The following TPX2 variants were observed in gnomAD, a reference collection of about 807,000 sequenced individuals.
TPX2 encodes the protein TPX2 microtubule nucleation factor, also known as targeting protein for Xklp2.
In TPX2, 21 loss-of-function variants were observed where a neutral mutation model predicts 93.6. That is an observed-to-expected ratio of 0.22 (90% CI 0.16 to 0.32). The LOEUF (loss-of-function observed/expected upper bound fraction) is 0.32, where lower values mean the gene tolerates loss of function less well. Ranked by LOEUF, TPX2 falls within the 10% of genes least tolerant of loss-of-function variation. The probability of loss-of-function intolerance (pLI) is 1.00; values close to 1 mark genes in which losing one functional copy is unlikely to be tolerated. For missense variants in TPX2, 776 were observed against 871.1 expected (o/e 0.89, Z 1.37); for synonymous variants, 281 against 298.3 (o/e 0.94, Z 0.60).
chr20:31,764,046 TAC>T (rs945862329), intron 4 of TPX2, among the ~76,000 whole-genome samples: 14 of 151,682 alleles, frequency 9.2e-5, no homozygotes, highest in African/African-American at 1.5e-4. Context: ...TACATATATA[TAC>T]ACACACACAT....
At position 31,775,840 on chromosome 20, in the gene TPX2, CTT is replaced by C; in HGVS notation, c.609-26_609-25del. The stretch of plus-strand genomic sequence containing the variant: ...ACTGGGTGCCTTTCTCCTCTCCTCT[CTT>C]CTCATTTACTGATTTTCTCTTTAGG... On this transcript the variant is annotated intron_variant, in intron 7 of 17. Transcript: ENST00000300403. The C allele has an allele frequency of 2.0e-6, 3 of 1,516,416 alleles. No homozygotes were observed. In the African/African-American group the frequency reaches 4.2e-5, roughly 21 times the overall value. 93.9% of individuals were successfully genotyped at this position (1,516,416 alleles called of 1,614,324 possible). A position where few individuals can be genotyped will look rare whatever the true frequency, so the allele number is the denominator to read the frequency against.
intron 2 of TPX2, among the ~76,000 whole-genome samples, chr20:31,749,607 C>G (rs2061806045): frequency 6.6e-6 from 1 of 151,720 alleles, no homozygotes. Flanking sequence ...ACCAGCCTGG[C>G]CAACATGGTG....
In TPX2 at chr20:31,797,467, A is replaced by G; in HGVS notation, c.1897A>G (p.Ile633Val). The G allele has an allele frequency of 6.2e-7, 1 of 1,614,172 alleles. No individual in the cohort carries two copies. Among genetic ancestry groups the G allele is most frequent in the Non-Finnish European group, 8.5e-7 (1 of 1,179,994 alleles). ...ACFKARPNTV[I>V]SQEPFVPKKE... ...TTTCAAGGCTCGTCCAAACACCGTC[A>G]TCTCTCAGGAGCCCTTTGTTCCCAA... Residue 633 changes from isoleucine to valine, a missense_variant, in exon 16 of 18, where the codon ATC becomes GTC. By Grantham distance (29) the Ile-to-Val change is conservative. Around this residue, in one of 3 missense-constraint regions of TPX2, gnomAD observed 461 missense variants for 551.2 expected, o/e 0.84. Transcript: ENST00000300403.
chr20:31,751,932 A>G (rs1333801831), intron 2 of TPX2, among the ~76,000 whole-genome samples: 1 of 152,090 alleles, frequency 6.6e-6, no homozygotes. Context: ...TATTAGAGAC[A>G]GGGTTTCACC....
At chr20:31,795,124 T>C (rs1239090644) in intron 15 of TPX2, among the ~76,000 whole-genome samples, 1 of 151,698 alleles carries the variant, frequency 6.6e-6, no homozygotes, top group Admixed American at 6.6e-5. Flanking sequence ...CCCAGCTACA[T>C]GTTTTCAACT....
chr20:31,749,226 G>A lies in TPX2; in HGVS notation c.-71+6579G>A, dbSNP rs374987320. On this transcript the variant is annotated intron_variant, in intron 2 of 17. Transcript: ENST00000300403. The stretch of plus-strand genomic sequence containing the variant: ...CTCCCAAAGTGCTGGGATTACAGGC[G>A]TGAGCCACCGCGCCCAGCTTAAATG... Among the ~76,000 whole-genome samples, 72 of 152,208 alleles carry A rather than the reference G, an allele frequency of 4.7e-4. No individual in the cohort carries two copies. The East Asian group carries it at 0.012, about 25-fold the overall frequency.
intron 9 of TPX2, among the ~76,000 whole-genome samples, chr20:31,778,604 T>G (rs2062016178): frequency 6.6e-6 from 1 of 152,246 alleles, no homozygotes; most frequent in African/African-American, 2.4e-5. Context: ...TAAGATTTGT[T>G]AAGTGCTAGA....
At chr20:31,755,962 A>G (rs1241477822) in intron 2 of TPX2, among the ~76,000 whole-genome samples, 2 of 152,212 alleles carry the variant, frequency 1.3e-5, no homozygotes, top group Non-Finnish European at 2.9e-5. Context: ...GGAGGGGCCT[A>G]TTTAACTTGT....
intron 4 of TPX2, among the ~76,000 whole-genome samples, chr20:31,765,188 T>C (rs1468796351): frequency 6.6e-6 from 1 of 151,932 alleles, no homozygotes; most frequent in African/African-American, 2.4e-5. Flanking sequence ...GCTGGGCTTG[T>C]AGTTCATGCC....
chr20:31,775,273 T>G (rs2061988835), intron 7 of TPX2, among the ~76,000 whole-genome samples: 1 of 152,174 alleles, frequency 6.6e-6, no homozygotes, highest in Admixed American at 6.5e-5. Flanking sequence ...TCATCGTTTA[T>G]GATCATATTT....
At chr20:31,798,676 A>G (rs2062152807) in intron 17 of TPX2, 124 bp downstream of exon 17, 2 of 1,197,780 alleles carry the variant, frequency 1.7e-6, no homozygotes, top group South Asian at 3.3e-5. Flanking sequence ...AATGAGTGAA[A>G]GGGGGAATTG....
chr20:31,754,207 G>T (rs888938526), intron 2 of TPX2, among the ~76,000 whole-genome samples: 3 of 151,846 alleles, frequency 2.0e-5, no homozygotes, highest in African/African-American at 7.3e-5. Flanking sequence ...GATTCTCACC[G>T]AGTAGCTGGA....
intron 14 of TPX2, 113 bp downstream of exon 14, chr20:31,794,137 A>G: frequency 8.3e-7 from 1 of 1,210,204 alleles, no homozygotes; most frequent in East Asian, 2.5e-5. Flanking sequence ...GATCTTTCTA[A>G]GAACCCTATA....
chr20:31,772,555 T>C (rs901077490), intron 7 of TPX2, among the ~76,000 whole-genome samples: 9 of 152,174 alleles, frequency 5.9e-5, no homozygotes, highest in African/African-American at 1.7e-4. Flanking sequence ...TCTTACCACG[T>C]AGATTGAACA....
intron 2 of TPX2, among the ~76,000 whole-genome samples, chr20:31,748,501 T>C (rs1283514104): frequency 6.6e-6 from 1 of 152,188 alleles, no homozygotes; most frequent in African/African-American, 2.4e-5. Context: ...TATAACAGGA[T>C]TTGTAATTTG....
At chr20:31,758,617 A>T (rs2061866887) in intron 3 of TPX2, among the ~76,000 whole-genome samples, 1 of 152,184 alleles carries the variant, frequency 6.6e-6, no homozygotes, top group Non-Finnish European at 1.5e-5. Flanking sequence ...CACTATGAAT[A>T]TGTGGTGGGG....
chr20:31,798,703 T>C, intron 17 of TPX2, 151 bp downstream of exon 17: 1 of 974,088 alleles, frequency 1.0e-6, no homozygotes, highest in Admixed American at 3.0e-5. Flanking sequence ...CTGAGGGTGG[T>C]GATGAAGTTG....
chr20:31,798,645 C>T, intron 17 of TPX2, 93 bp downstream of exon 17: 1 of 1,396,458 alleles, frequency 7.2e-7, no homozygotes, highest in Non-Finnish European at 9.5e-7. Flanking sequence ...CTAAGGTAGC[C>T]CGCAAGGCTG....
intron 5 of TPX2, among the ~76,000 whole-genome samples, chr20:31,769,043 C>T (rs982745549): frequency 6.6e-6 from 1 of 152,132 alleles, no homozygotes; most frequent in African/African-American, 2.4e-5. Context: ...TTGAATCTCA[C>T]ATACATAAAG....
Sources: gnomAD v4.1 joint callset for allele counts (sites outside exome capture counted in the v4.1 genomes callset) on GRCh38, gnomAD v4.1.1 for gene constraint, gnomAD v4.1.1 regional missense constraint, MANE v1.5 for transcripts, NCBI Gene and HGNC (gene_info 2026-07-23, HGNC 2026-07-21) for gene names.